DPY19L4: variants seen among roughly 807,000 people sequenced by gnomAD.
DPY19L4 encodes the protein probable C-mannosyltransferase DPY19L4.
In DPY19L4, 97 loss-of-function variants were observed where a neutral mutation model predicts 102.8. That is an observed-to-expected ratio of 0.94 (90% CI 0.80 to 1.12). The LOEUF is 1.12. DPY19L4 is among the 50% of genes most tolerant of loss of function. The pLI, the probability that DPY19L4 is intolerant of heterozygous loss-of-function variation, is 0.00. For missense variants in DPY19L4, 815 were observed against 850.4 expected (o/e 0.96, Z 0.52); for synonymous variants, 252 against 283.1 (o/e 0.89, Z 1.10).
intron 14 of DPY19L4, among the ~76,000 whole-genome samples, chr8:94,780,113 T>G (rs1813364952): frequency 6.6e-6 from 1 of 152,216 alleles, no homozygotes. Context: ...CATTACCTTT[T>G]TAATGTTCTG....
intron 2 of DPY19L4, among the ~76,000 whole-genome samples, chr8:94,732,813 T>TTC (rs1258881927): frequency 1.7e-4 from 25 of 146,056 alleles, no homozygotes; most frequent in South Asian, 8.6e-4. Flanking sequence ...TTTTCTTTCT[T>TTC]TTTTTTTTTT....
intron 13 of DPY19L4, among the ~76,000 whole-genome samples, chr8:94,774,039 T>TAAA (rs79751438): frequency 3.9e-5 from 4 of 102,792 alleles, no homozygotes; most frequent in Non-Finnish European, 7.5e-5. Flanking sequence ...TGTCTTTAGT[T>TAAA]AAAAAAAAAA....
At chr8:94,745,454 A>G (rs1811630971) in intron 6 of DPY19L4, among the ~76,000 whole-genome samples, 1 of 152,210 alleles carries the variant, frequency 6.6e-6, no homozygotes, top group African/African-American at 2.4e-5. Context: ...TATTAAATTT[A>G]ATCTTTGGCA....
intron 13 of DPY19L4, among the ~76,000 whole-genome samples, chr8:94,772,626 G>T (rs1218106458): frequency 6.6e-6 from 1 of 152,182 alleles, no homozygotes; most frequent in Non-Finnish European, 1.5e-5. Flanking sequence ...TGTGTTTAGG[G>T]TTTGTATTGG....
At position 94,738,334 on chromosome 8, in the gene DPY19L4, A is replaced by G. The variant is rs750213424; in HGVS notation, c.253-35A>G. 12 of 1,105,484 alleles carry G rather than the reference A, an allele frequency of 1.1e-5. No homozygotes were observed. In the South Asian group the frequency reaches 1.7e-4, roughly 16 times the overall value. 68.5% of individuals were successfully genotyped at this position (1,105,484 alleles called of 1,614,324 possible). A position where few individuals can be genotyped will look rare whatever the true frequency, so the allele number is the denominator to read the frequency against. ...ACTCTGTCTCAAAAAAAAAAAAAAA[A>G]TTAAATTTTAAATAATAATTTCATT... On this transcript the variant is annotated intron_variant, in intron 3 of 18. Transcript: ENST00000414645.
chr8:94,747,350 G>A (rs1355559815), intron 6 of DPY19L4, among the ~76,000 whole-genome samples: 1 of 151,792 alleles, frequency 6.6e-6, no homozygotes, highest in Non-Finnish European at 1.5e-5. Context: ...ACTGTGCCTG[G>A]GTGATTGTTT....
chr8:94,761,256 A>G (rs1005897664), intron 7 of DPY19L4, among the ~76,000 whole-genome samples: 2 of 152,202 alleles, frequency 1.3e-5, no homozygotes, highest in African/African-American at 4.8e-5. Flanking sequence ...GAACAAAGGG[A>G]AAAATAGGAA....
chr8:94,739,150 C>T, intron 4 of DPY19L4, among the ~76,000 whole-genome samples: 1 of 152,112 alleles, frequency 6.6e-6, no homozygotes, highest in Non-Finnish European at 1.5e-5. Context: ...ACCAGTCTCT[C>T]CCTATCCTCC....
intron 13 of DPY19L4, among the ~76,000 whole-genome samples, chr8:94,773,296 CATCTT>C (rs1488113665): frequency 6.6e-6 from 1 of 151,324 alleles, no homozygotes; most frequent in African/African-American, 2.4e-5. Flanking sequence ...CATATAGGAG[CATCTT>C]ATCTTTCTTT....
At position 94,763,074 on chromosome 8, in the gene DPY19L4, G is replaced by A. The variant is rs549442948; in HGVS notation, c.870+1240G>A. On this transcript the variant is annotated intron_variant, in intron 8 of 18. Coordinates refer to ENST00000414645, the MANE Select transcript of DPY19L4 (RefSeq NM_181787.3). ...AGCGATTCTCCTGCCTTAGCCTCCC[G>A]AGTAGCTGGGATTACAGGCGCCTGC... Among the ~76,000 whole-genome samples, 8 of 150,960 alleles carry A rather than the reference G, an allele frequency of 5.3e-5. No homozygotes were observed. In the South Asian group the frequency reaches 8.4e-4, roughly 16 times the overall value.
chr8:94,769,710 C>T (rs1307209922), intron 12 of DPY19L4, among the ~76,000 whole-genome samples: 1 of 151,536 alleles, frequency 6.6e-6, no homozygotes, highest in Non-Finnish European at 1.5e-5. Context: ...AAAAAAAAAG[C>T]TATAAAGTTT....
At chr8:94,771,289 C>T (rs1812924622) in intron 13 of DPY19L4, among the ~76,000 whole-genome samples, 1 of 152,178 alleles carries the variant, frequency 6.6e-6, no homozygotes. Flanking sequence ...AAACTCAAAA[C>T]CTATAAACTT....
At chr8:94,773,801 G>A (rs13277564) in intron 13 of DPY19L4, among the ~76,000 whole-genome samples, 17,570 of 150,144 alleles carry the variant, frequency 0.12, 1,179 homozygotes, top group Non-Finnish European at 0.15. Flanking sequence ...TTTGGGAGAC[G>A]GAGGCAGATG....
At chr8:94,781,056 ATTT>A (rs36116205) in intron 15 of DPY19L4, 25 bp from the exon 16 acceptor site, 2,285 of 1,195,630 alleles carry the variant, frequency 1.9e-3, no homozygotes, top group Admixed American at 4.7e-3. Context: ...TCTTTTGGGG[ATTT>A]TTTTTTTTTT....
Position 94,789,855 on chromosome 8 carries a change from G to A in DPY19L4, c.2117G>A (p.Trp706Ter). The A allele has an allele frequency of 6.2e-7, 1 of 1,608,474 alleles. No individual in the cohort carries two copies. The highest frequency in any genetic ancestry group is 8.5e-7 in the Non-Finnish European group (1 of 1,178,294). Reference sequence around the variant, plus strand: ...GTGAATTATTTCACTAGAGTATACTGGAACAGATCCTACTTTGTATATAAA... The same window carrying A: ...GTGAATTATTTCACTAGAGTATACTAGAACAGATCCTACTTTGTATATAAA... Reference protein sequence around the residue: ...PYVNYFTRVYWNRSYFVYKIN... With the variant: ...PYVNYFTRVY The change falls in exon 19 of 19, where the codon TGG (tryptophan) becomes TAG (stop). Residue 706 changes from tryptophan to a stop codon, truncating the protein, a stop_gained. Transcript: ENST00000414645. LOFTEE classifies it high-confidence loss of function.
chr8:94,765,527 G>T (rs1022821410), intron 9 of DPY19L4, among the ~76,000 whole-genome samples, 184 bp from the exon 10 acceptor site: 10 of 152,022 alleles, frequency 6.6e-5, no homozygotes, highest in Admixed American at 5.9e-4. Flanking sequence ...GTAGAGACTG[G>T]GTTTCACCAT....
chr8:94,773,212 T>TAA (rs1813007381), intron 13 of DPY19L4, among the ~76,000 whole-genome samples: 1 of 96,510 alleles, frequency 1.0e-5, no homozygotes. Flanking sequence ...AGACTCCGTA[T>TAA]CAAAAAAAAA....
chr8:94,781,057 T>TA (rs772029352), intron 15 of DPY19L4, 27 bp from the exon 16 acceptor site: 486 of 267,186 alleles, frequency 1.8e-3, no homozygotes, highest in Non-Finnish European at 2.1e-3. Flanking sequence ...CTTTTGGGGA[T>TA]TTTTTTTTTT....
In DPY19L4 at chr8:94,739,679, T is replaced by A. The variant is rs753085758; in HGVS notation, c.500T>A (p.Ile167Asn). ...GAGCCAGTGTATTTCTATATTGGCATTGTTTTTGGATTGCAAGGAATATAT... is the reference window on the plus strand; with the variant it reads ...GAGCCAGTGTATTTCTATATTGGCAATGTTTTTGGATTGCAAGGAATATAT... ...IIEPVYFYIG[I>N]VFGLQGIYVT... Residue 167 changes from isoleucine to asparagine, a missense_variant, in exon 6 of 19, where the codon ATT (isoleucine) becomes AAT (asparagine). Transcript: ENST00000414645. The A allele has an allele frequency of 1.2e-6, 2 of 1,614,078 alleles. No homozygotes were observed. Among genetic ancestry groups the A allele is most frequent in the Non-Finnish European group, 1.7e-6 (2 of 1,180,036 alleles).
Sources: allele counts gnomAD v4.1 joint callset (sites outside exome capture counted in the v4.1 genomes callset), GRCh38; gene constraint gnomAD v4.1.1; transcripts MANE v1.5; gene names NCBI Gene and HGNC (gene_info 2026-07-23, HGNC 2026-07-21).